The following TPH2 variants were observed in gnomAD, a reference collection of about 807,000 sequenced individuals.
TPH2 encodes the protein tryptophan hydroxylase 2.
A neutral mutation model predicts 59.1 loss-of-function variants in TPH2; 27 were observed. The observed-to-expected ratio is 0.46, with a 90% CI of 0.34 to 0.63. TPH2 has a LOEUF of 0.63. Ranked by LOEUF, TPH2 falls within the 30% of genes least tolerant of loss-of-function variation. The pLI is 0.01. For missense variants in TPH2, 523 were observed against 588.3 expected (o/e 0.89, Z 1.15); for synonymous variants, 220 against 210.5 (o/e 1.05, Z -0.39).
chr12:71,979,793 T>C (rs1474536966), intron 7 of TPH2, among the ~76,000 whole-genome samples: 1 of 152,236 alleles, frequency 6.6e-6, no homozygotes, highest in Non-Finnish European at 1.5e-5. Context: ...ACACGTGGGA[T>C]TGTACAGTCT....
chr12:71,971,168 A>T (rs1247872745), intron 5 of TPH2, among the ~76,000 whole-genome samples: 1 of 152,168 alleles, frequency 6.6e-6, no homozygotes, highest in Non-Finnish European at 1.5e-5. Flanking sequence ...TGCCCCTCTC[A>T]CTGCAGCAAC....
chr12:71,974,085 C>T (rs1450503875), intron 6 of TPH2, among the ~76,000 whole-genome samples: 1 of 151,968 alleles, frequency 6.6e-6, no homozygotes, highest in Non-Finnish European at 1.5e-5. Context: ...TGCAGTAGTT[C>T]CAAAAGCAAA....
chr12:71,983,497 C>T (rs564500378), intron 7 of TPH2, among the ~76,000 whole-genome samples: 1 of 152,180 alleles, frequency 6.6e-6, no homozygotes, highest in Admixed American at 6.5e-5. Flanking sequence ...ATGTGAGCGT[C>T]GCCTGGCATG....
chr12:71,977,343 C>T (rs1470684451), intron 6 of TPH2, among the ~76,000 whole-genome samples: 2 of 152,084 alleles, frequency 1.3e-5, no homozygotes, highest in Non-Finnish European at 2.9e-5. Context: ...AGGTGTGAGC[C>T]ACAGTGCCTG....
At chr12:71,947,074 C>A (rs1871214961) in intron 4 of TPH2, among the ~76,000 whole-genome samples, 1 of 152,156 alleles carries the variant, frequency 6.6e-6, no homozygotes, top group Non-Finnish European at 1.5e-5. Context: ...CCTACTGAGT[C>A]AGAACTTTCA....
At chr12:71,964,855 G>A (rs945335118) in intron 5 of TPH2, 16 of 545,248 alleles carry the variant, frequency 2.9e-5, no homozygotes, top group Admixed American at 2.5e-4. Context: ...ATGTCATGGG[G>A]TTTTGTTGTA....
chr12:71,943,163 T>C (rs1871118861), intron 2 of TPH2, among the ~76,000 whole-genome samples: 1 of 152,206 alleles, frequency 6.6e-6, no homozygotes, highest in Non-Finnish European at 1.5e-5. Context: ...ATGATATTAT[T>C]GTAAAGGTTA....
At chr12:72,017,852 G>T (rs1233619404) in intron 8 of TPH2, among the ~76,000 whole-genome samples, 1 of 152,110 alleles carries the variant, frequency 6.6e-6, no homozygotes, top group Non-Finnish European at 1.5e-5. Flanking sequence ...ACTCTAAGTA[G>T]GCTTTGCATT....
chr12:71,954,440 C>A (rs1427354995), intron 5 of TPH2, among the ~76,000 whole-genome samples: 1 of 152,160 alleles, frequency 6.6e-6, no homozygotes, highest in African/African-American at 2.4e-5. Flanking sequence ...GTCTAACACG[C>A]AGATCATGCC....
At chr12:72,011,201 T>G (rs1873090765) in intron 8 of TPH2, among the ~76,000 whole-genome samples, 1 of 152,162 alleles carries the variant, frequency 6.6e-6, no homozygotes, top group Non-Finnish European at 1.5e-5. Flanking sequence ...GTCAATTGCT[T>G]TGTTATGGAG....
intron 1 of TPH2, among the ~76,000 whole-genome samples, chr12:71,939,417 G>T (rs925766348): frequency 6.8e-6 from 1 of 148,088 alleles, no homozygotes; most frequent in African/African-American, 2.5e-5. Flanking sequence ...AAAAAAAATG[G>T]AGTGTGAAGA....
intron 8 of TPH2, among the ~76,000 whole-genome samples, chr12:72,004,744 T>A (rs965622286): frequency 2.6e-5 from 4 of 152,202 alleles, no homozygotes; most frequent in Non-Finnish European, 4.4e-5. Flanking sequence ...TGGTTGGGAC[T>A]TTTTTATGAG....
chr12:71,998,390 C>T (rs888324363), intron 8 of TPH2, among the ~76,000 whole-genome samples: 2 of 151,986 alleles, frequency 1.3e-5, no homozygotes, highest in Admixed American at 1.3e-4. Flanking sequence ...TGTGAGGAGG[C>T]TAAGGGAGAT....
intron 9 of TPH2, among the ~76,000 whole-genome samples, chr12:72,030,180 G>A (rs1435892821): frequency 6.6e-6 from 1 of 151,916 alleles, no homozygotes; most frequent in African/African-American, 2.4e-5. Context: ...TTTTCTCTCT[G>A]CCTCTCTCTC....
chr12:71,956,007 A>T (rs1446621117), intron 5 of TPH2, among the ~76,000 whole-genome samples: 1 of 152,226 alleles, frequency 6.6e-6, no homozygotes. Flanking sequence ...TCTCTCATAA[A>T]GCAAACTGTT....
intron 7 of TPH2, among the ~76,000 whole-genome samples, chr12:71,984,995 G>A (rs1168819670): frequency 1.3e-5 from 2 of 152,256 alleles, no homozygotes; most frequent in East Asian, 1.9e-4. Flanking sequence ...GCAACAATAC[G>A]TTTATTATGA....
intron 6 of TPH2, among the ~76,000 whole-genome samples, chr12:71,977,660 C>T (rs1304159647): frequency 1.3e-5 from 2 of 152,062 alleles, no homozygotes; most frequent in African/African-American, 4.8e-5. Flanking sequence ...AACATTATGA[C>T]AATACAATGT....
At chr12:71,990,386 T>C (rs1051984066) in intron 7 of TPH2, among the ~76,000 whole-genome samples, 2 of 152,218 alleles carry the variant, frequency 1.3e-5, no homozygotes, top group African/African-American at 2.4e-5. Flanking sequence ...CAGACCTTAA[T>C]TGGCACAGAG....
At chr12:71,981,837 A>G (rs1017245051) in intron 7 of TPH2, among the ~76,000 whole-genome samples, 1 of 151,960 alleles carries the variant, frequency 6.6e-6, no homozygotes, top group Non-Finnish European at 1.5e-5. Flanking sequence ...AATAAAGATT[A>G]TAAACTCAGA....
Sources: allele counts gnomAD v4.1 joint callset (sites outside exome capture counted in the v4.1 genomes callset), GRCh38; gene constraint gnomAD v4.1.1; transcripts MANE v1.5; gene names NCBI Gene and HGNC (gene_info 2026-07-23, HGNC 2026-07-21).